The following MTUS2 variants were observed in gnomAD, a reference collection of about 807,000 sequenced individuals.
MTUS2 encodes the protein microtubule associated scaffold protein 2.
Under a neutral mutation model 114.1 loss-of-function variants are expected in MTUS2, and 40 were observed. The ratio of observed to expected loss-of-function variants is 0.35; its 90% CI spans 0.27 to 0.46. The LOEUF (loss-of-function observed/expected upper bound fraction) is 0.46, where lower values mean the gene tolerates loss of function less well. Among genes scored for constraint, MTUS2 ranks in the 20% least tolerant of loss-of-function variants. The pLI is 1.00. For missense variants in MTUS2, 1,679 were observed against 1,705.4 expected, an observed-to-expected ratio of 0.98 and a Z score of 0.27; for synonymous variants, 688 against 672.0, an observed-to-expected ratio of 1.02 and a Z score of -0.37.
At chr13:28,829,009 G>A (rs2137942067) in intron 1 of MTUS2, among the ~76,000 whole-genome samples, 1 of 152,232 alleles carries the variant, frequency 6.6e-6, no homozygotes, top group African/African-American at 2.4e-5. Flanking sequence ...TTGGAGTAAA[G>A]ACATTCTGAA....
chr13:29,095,837 T>G (rs1174571349), intron 4 of MTUS2, among the ~76,000 whole-genome samples: 1 of 152,112 alleles, frequency 6.6e-6, no homozygotes, highest in Admixed American at 6.5e-5. Context: ...ATTTCTCTCT[T>G]TATTGTTATT....
chr13:29,375,187 G>A (rs545316908), intron 8 of MTUS2, among the ~76,000 whole-genome samples: 11 of 152,120 alleles, frequency 7.2e-5, no homozygotes, highest in Non-Finnish European at 1.0e-4. Flanking sequence ...CAGTGAACTT[G>A]AAGATAGAGC....
chr13:28,915,388 G>A (rs1447567546), intron 2 of MTUS2, among the ~76,000 whole-genome samples: 4 of 151,908 alleles, frequency 2.6e-5, no homozygotes, highest in Admixed American at 1.3e-4. Context: ...TCTCCATAGA[G>A]GTTGTACTAA....
intron 5 of MTUS2, among the ~76,000 whole-genome samples, chr13:29,158,807 G>A (rs541780885): frequency 6.6e-6 from 1 of 152,232 alleles, no homozygotes; most frequent in East Asian, 1.9e-4. Context: ...GATGCTCAGG[G>A]AACCCACTGT....
At chr13:29,290,621 C>A (rs1024320305) in intron 6 of MTUS2, among the ~76,000 whole-genome samples, 1 of 152,178 alleles carries the variant, frequency 6.6e-6, no homozygotes, top group Non-Finnish European at 1.5e-5. Flanking sequence ...TTAACCACCA[C>A]GCCTGGCCAG....
intron 5 of MTUS2, among the ~76,000 whole-genome samples, chr13:29,149,274 A>G (rs1449781011): frequency 6.6e-6 from 1 of 152,210 alleles, no homozygotes; most frequent in East Asian, 1.9e-4. Flanking sequence ...TCTAATGATC[A>G]ATGATATTGA....
At chr13:29,066,007 G>A (rs558989394) in intron 4 of MTUS2, among the ~76,000 whole-genome samples, 2 of 151,410 alleles carry the variant, frequency 1.3e-5, no homozygotes, top group Non-Finnish European at 2.9e-5. Context: ...TTCTCACTAC[G>A]CATAACCCAC....
chr13:29,101,874 CTGTT>C (rs1453717012), intron 5 of MTUS2, among the ~76,000 whole-genome samples: 3 of 152,190 alleles, frequency 2.0e-5, no homozygotes, highest in African/African-American at 7.2e-5. Flanking sequence ...TGTTTATTCT[CTGTT>C]CTTTCTTGTG....
rs568092168 is a variant in MTUS2 at position 28,910,412 on chromosome 13, T to C, written c.-243+70562T>C. Among the ~76,000 whole-genome samples, 12 of 152,290 alleles carry C rather than the reference T, an allele frequency of 7.9e-5. 1 individual carries two copies. In the South Asian group the frequency reaches 2.3e-3, roughly 29 times the overall value. On this transcript the variant is annotated intron_variant, in intron 2 of 15. Transcript: ENST00000612955. ...CACCTTTTAAGTTCCAGGGAAGATG[T>C]GTAGGATGTTCAGGTTTGTTACATA...
At position 29,251,679 on chromosome 13, in the gene MTUS2, C is replaced by T. The variant is rs148853600; in HGVS notation, c.2645-30025C>T. Among the ~76,000 whole-genome samples, 4 of 152,320 alleles carry T rather than the reference C, an allele frequency of 2.6e-5. No homozygotes were observed. In the East Asian group the frequency reaches 7.7e-4, roughly 29 times the overall value. The stretch of plus-strand genomic sequence containing the variant: ...CTATGAATTTGCCTACTCTAGGTAC[C>T]TCCTATGAGTGGAATGATACAGTAT... On this transcript the variant is annotated intron_variant, in intron 5 of 15. Transcript: ENST00000612955.
At chr13:29,047,730 G>A (rs1249000460) in intron 4 of MTUS2, among the ~76,000 whole-genome samples, 2 of 152,088 alleles carry the variant, frequency 1.3e-5, no homozygotes, top group Non-Finnish European at 2.9e-5. Flanking sequence ...AGCCAGGATG[G>A]TCTCGATCTC....
At chr13:28,991,775 C>T (rs1303402292) in intron 2 of MTUS2, among the ~76,000 whole-genome samples, 1 of 152,134 alleles carries the variant, frequency 6.6e-6, no homozygotes, top group Non-Finnish European at 1.5e-5. Context: ...TTTTTCCCTC[C>T]TTCCCCTTTG....
chr13:28,898,993 A>G (rs1391179671), intron 2 of MTUS2, among the ~76,000 whole-genome samples: 1 of 151,958 alleles, frequency 6.6e-6, no homozygotes, highest in Admixed American at 6.6e-5. Context: ...CTTTCCTCCC[A>G]CCTTTTTTCA....
chr13:29,184,380 A>G (rs1894133487), intron 5 of MTUS2, among the ~76,000 whole-genome samples: 2 of 152,252 alleles, frequency 1.3e-5, no homozygotes, highest in South Asian at 4.1e-4. Context: ...GTTCTTGAAC[A>G]TCATGCTCCT....
At chr13:29,389,481 G>A (rs61364289) in intron 8 of MTUS2, among the ~76,000 whole-genome samples, 10 of 62,644 alleles carry the variant, frequency 1.6e-4, no homozygotes, top group African/African-American at 4.0e-4. Context: ...ATGTATACAC[G>A]TGTGTGTATG....
chr13:28,894,783 T>C (rs929067074), intron 2 of MTUS2, among the ~76,000 whole-genome samples: 2 of 152,236 alleles, frequency 1.3e-5, no homozygotes, highest in Non-Finnish European at 2.9e-5. Context: ...CATACTTTGC[T>C]TAAGAATCAG....
At chr13:29,501,015 C>T (rs920611391) in intron 14 of MTUS2, 82 bp from the exon 15 acceptor site, 2 of 1,050,986 alleles carry the variant, frequency 1.9e-6, no homozygotes, top group African/African-American at 1.6e-5. Context: ...TGATAATCCT[C>T]CAATGCCCAG....
At chr13:29,439,937 T>C (rs1566201091) in intron 8 of MTUS2, 46 bp from the exon 9 acceptor site, 1 of 1,417,950 alleles carries the variant, frequency 7.1e-7, no homozygotes, top group Non-Finnish European at 9.8e-7. Context: ...AGTGCTTATC[T>C]AGCATAAAAC....
intron 5 of MTUS2, among the ~76,000 whole-genome samples, chr13:29,173,104 AT>A (rs1893628960): frequency 6.6e-6 from 1 of 151,982 alleles, no homozygotes; most frequent in South Asian, 2.1e-4. Flanking sequence ...TGCTTTTTTT[AT>A]TGTAAACTGT....
Sources: gnomAD v4.1 joint callset for allele counts (sites outside exome capture counted in the v4.1 genomes callset) on GRCh38, gnomAD v4.1.1 for gene constraint, MANE v1.5 for transcripts, NCBI Gene and HGNC (gene_info 2026-07-23, HGNC 2026-07-21) for gene names.